The following NCKAP5 variants were observed in gnomAD, a reference collection of about 807,000 sequenced individuals.
NCKAP5 encodes the protein nck-associated protein 5.
NCKAP5 carries 92 observed loss-of-function variants against 167.0 expected under a neutral mutation model. The ratio of observed to expected loss-of-function variants is 0.55; its 90% CI spans 0.47 to 0.66. The LOEUF is 0.66. Ranked by LOEUF, NCKAP5 falls within the 30% of genes least tolerant of loss-of-function variation. The probability of loss-of-function intolerance (pLI) is 0.00; values close to 1 mark genes in which losing one functional copy is unlikely to be tolerated. For missense variants in NCKAP5, 2,378 were observed against 2,315.0 expected (o/e 1.03, Z -0.56); for synonymous variants, 891 against 877.4 (o/e 1.02, Z -0.27).
chr2:132,935,709 G>C (rs890308997), intron 8 of NCKAP5, among the ~76,000 whole-genome samples: 6 of 152,130 alleles, frequency 3.9e-5, no homozygotes, highest in African/African-American at 1.4e-4. Flanking sequence ...AGGAGAAGCA[G>C]ATACAGGTGG....
chr2:133,369,094 GA>G (rs11339279), intron 3 of NCKAP5, among the ~76,000 whole-genome samples: 30,972 of 152,118 alleles, frequency 0.2, 3,691 homozygotes, highest in Middle Eastern at 0.37. Flanking sequence ...AGAAGGCTTT[GA>G]AACTGAAAAA....
chr2:132,791,315 C>T (rs745842629), intron 12 of NCKAP5, among the ~76,000 whole-genome samples: 40 of 152,174 alleles, frequency 2.6e-4, no homozygotes, highest in Admixed American at 5.9e-4. Context: ...GTCCTTGTTA[C>T]CATTTGGCTA....
chr2:133,170,407 G>A (rs1292539032), intron 5 of NCKAP5, among the ~76,000 whole-genome samples: 1 of 152,116 alleles, frequency 6.6e-6, no homozygotes, highest in African/African-American at 2.4e-5. Flanking sequence ...GTGCAGAAAT[G>A]GTGTGTCATG....
At chr2:133,385,781 T>C (rs1686910630) in intron 3 of NCKAP5, among the ~76,000 whole-genome samples, 1 of 152,022 alleles carries the variant, frequency 6.6e-6, no homozygotes. Flanking sequence ...CTTGGGAGGG[T>C]GTATGTGTCG....
At chr2:133,025,296 A>G (rs2078658848) in intron 6 of NCKAP5, among the ~76,000 whole-genome samples, 2 of 152,240 alleles carry the variant, frequency 1.3e-5, no homozygotes, top group Admixed American at 6.5e-5. Context: ...GTTGATACAT[A>G]CAATGTAAAG....
chr2:133,231,555 C>T (rs567969318), intron 4 of NCKAP5, among the ~76,000 whole-genome samples: 2 of 152,242 alleles, frequency 1.3e-5, no homozygotes, highest in East Asian at 1.9e-4. Flanking sequence ...GTTACTCCTG[C>T]TATCAAAAGG....
intron 6 of NCKAP5, among the ~76,000 whole-genome samples, chr2:133,105,559 C>T (rs561026115): frequency 9.1e-4 from 138 of 152,322 alleles, no homozygotes; most frequent in Middle Eastern, 3.4e-3. Flanking sequence ...AACTGGCCTT[C>T]GTCTGTTTTT....
At chr2:132,681,182 T>C (rs1478309347) in intron 19 of NCKAP5, among the ~76,000 whole-genome samples, 2 of 152,096 alleles carry the variant, frequency 1.3e-5, no homozygotes, top group Non-Finnish European at 2.9e-5. Flanking sequence ...GGAATGATAA[T>C]TGAGCAGTTC....
At chr2:133,346,190 G>A (rs1442590313) in intron 3 of NCKAP5, among the ~76,000 whole-genome samples, 2 of 152,124 alleles carry the variant, frequency 1.3e-5, no homozygotes, top group Non-Finnish European at 2.9e-5. Context: ...AGAAAGCAGG[G>A]ACAATACAAC....
intron 6 of NCKAP5, among the ~76,000 whole-genome samples, chr2:133,002,692 C>T (rs1414173652): frequency 1.3e-5 from 2 of 152,168 alleles, no homozygotes; most frequent in Non-Finnish European, 2.9e-5. Flanking sequence ...GGAAACCCTC[C>T]CTTCATGTTT....
the NCKAP5 span, among the ~76,000 whole-genome samples, chr2:133,622,091 A>G: frequency 1.3e-5 from 2 of 152,166 alleles, no homozygotes; most frequent in African/African-American, 4.8e-5. Context: ...GCATCCCTTT[A>G]TGATTAAAAC....
Position 132,728,966 on chromosome 2 carries a change from CGT to C in NCKAP5, c.5444-16_5444-15del. 6.2e-7 allele frequency: 1 copy of C among 1,613,542 alleles called. No homozygotes were observed. Among genetic ancestry groups the C allele is most frequent in the Non-Finnish European group, 8.5e-7 (1 of 1,179,688 alleles). ...AACTGACTTTTCCTAAATGAGGACA[CGT>C]ATGTGGAATCACATATCACCTTTCA... On this transcript the variant is annotated splice_polypyrimidine_tract_variant and intron_variant, in intron 17 of 19. Transcript: ENST00000409261.
At chr2:133,198,179 A>T (rs1230266010) in intron 5 of NCKAP5, among the ~76,000 whole-genome samples, 4 of 152,174 alleles carry the variant, frequency 2.6e-5, no homozygotes. Context: ...GGGCAATAAT[A>T]AAAGTTATAG....
chr2:133,405,250 T>C (rs576923208), intron 3 of NCKAP5, among the ~76,000 whole-genome samples: 6 of 152,344 alleles, frequency 3.9e-5, no homozygotes, highest in African/African-American at 7.2e-5. Flanking sequence ...TTATTTAGCA[T>C]AGAAAGTTCA....
Position 132,732,045 on chromosome 2 carries a change from T to G in NCKAP5, c.5135A>C (p.Asn1712Thr), listed in dbSNP as rs774575684. The G allele has an allele frequency of 6.2e-7, 1 of 1,609,106 alleles. No homozygotes were observed. Among genetic ancestry groups the G allele is most frequent in the South Asian group, 1.1e-5 (1 of 90,606 alleles). ...ACTGTCCAATGTTCTCATCTGGCAG[T>G]TGGATTCTGAGATAGAGAGACAGAG... is the stretch of plus-strand genomic sequence containing the variant. The part of the protein sequence containing the change: ...SVFQSHIIES[N>T]CQMRTLDSGI... The change falls in exon 17 of 20, where the codon AAC (asparagine) becomes ACC (threonine). Residue 1712 changes from asparagine to threonine, a missense_variant. Physicochemically the swap from Asn to Thr is moderately conservative, Grantham distance 65. Around this residue, in one of 3 missense-constraint regions of NCKAP5, gnomAD observed 1,325 missense variants for 1,274.5 expected, o/e 1.04. Transcript: ENST00000409261.
intron 6 of NCKAP5, among the ~76,000 whole-genome samples, chr2:133,086,558 C>T (rs984729056): frequency 6.6e-6 from 1 of 152,044 alleles, no homozygotes; most frequent in Non-Finnish European, 1.5e-5. Context: ...GGGAGGATCG[C>T]CTGAGCCTAG....
intron 5 of NCKAP5, among the ~76,000 whole-genome samples, chr2:133,196,782 GCC>G: frequency 6.6e-6 from 1 of 152,248 alleles, no homozygotes; most frequent in South Asian, 2.1e-4. Flanking sequence ...AGGAAAGGGA[GCC>G]CCAAAGGATC....
chr2:133,384,436 G>A (rs6709609), intron 3 of NCKAP5, among the ~76,000 whole-genome samples: 35,387 of 151,796 alleles, frequency 0.23, 4,143 homozygotes, highest in East Asian at 0.33. Context: ...TGGTACCAGT[G>A]CCATGCTGTT....
chr2:133,120,821 C>A (rs1479241488), intron 6 of NCKAP5, among the ~76,000 whole-genome samples: 1 of 152,142 alleles, frequency 6.6e-6, no homozygotes, highest in Admixed American at 6.5e-5. Context: ...CATTCTACAA[C>A]CTCCCTTGGA....
Sources: gnomAD v4.1 joint callset for allele counts (sites outside exome capture counted in the v4.1 genomes callset) on GRCh38, gnomAD v4.1.1 for gene constraint, gnomAD v4.1.1 regional missense constraint, MANE v1.5 for transcripts, NCBI Gene and HGNC (gene_info 2026-07-23, HGNC 2026-07-21) for gene names.